The following TAB2 variants were observed in gnomAD, a reference collection of about 807,000 sequenced individuals.
TAB2 encodes TGF-beta activated kinase 1 (MAP3K7) binding protein 2.
Under a neutral mutation model 65.0 loss-of-function variants are expected in TAB2, and 3 were observed. The ratio of observed to expected loss-of-function variants is 0.05; its 90% CI spans 0.02 to 0.12. TAB2 has a LOEUF of 0.12. Ranked by LOEUF, TAB2 falls within the 10% of genes least tolerant of loss-of-function variation. The pLI is 1.00. For synonymous variants in TAB2, 298 were observed against 285.1 expected (o/e 1.05, Z -0.46); for missense variants, 623 against 840.3 (o/e 0.74, Z 3.20).
intron 1 of TAB2, among the ~76,000 whole-genome samples, chr6:149,271,697 C>G (rs1275521256): frequency 3.3e-5 from 5 of 152,262 alleles, no homozygotes; most frequent in Admixed American, 2.6e-4. Context: ...TAAAACCCTA[C>G]TCTATGGAAG....
At chr6:149,225,637 G>A (rs1170539815) in intron 1 of TAB2, among the ~76,000 whole-genome samples, 1 of 152,030 alleles carries the variant, frequency 6.6e-6, no homozygotes, top group Non-Finnish European at 1.5e-5. Context: ...ATACAAATGG[G>A]AATTTTATTT....
At chr6:149,275,904 T>C (rs1429373223) in intron 1 of TAB2, among the ~76,000 whole-genome samples, 3 of 152,228 alleles carry the variant, frequency 2.0e-5, no homozygotes, top group Non-Finnish European at 1.5e-5. Context: ...TCTGAGAAAC[T>C]GCTAGCCTAG....
At chr6:149,328,089 T>G (rs1779671157) in intron 1 of TAB2, among the ~76,000 whole-genome samples, 1 of 152,190 alleles carries the variant, frequency 6.6e-6, no homozygotes, top group Admixed American at 6.5e-5. Context: ...CTAGTTGAAG[T>G]AATTAGGTAG....
chr6:149,224,418 C>A (rs537623111), intron 1 of TAB2, among the ~76,000 whole-genome samples: 2 of 152,324 alleles, frequency 1.3e-5, no homozygotes, highest in South Asian at 4.1e-4. Context: ...TCAAATGGCA[C>A]GGATTTTTCC....
intron 3 of TAB2, among the ~76,000 whole-genome samples, chr6:149,392,441 A>G (rs1782021466): frequency 6.6e-6 from 1 of 152,152 alleles, no homozygotes; most frequent in Non-Finnish European, 1.5e-5. Context: ...ACCTACAGCT[A>G]CCTTCCCTTT....
rs138731123 is a variant in TAB2, at chr6:149,378,992, C to G, written c.1077C>G (p.Thr359=). ...SSTSSSVNSQ[T]LNRNQPTVYI... is the part of the protein sequence containing the mutation. ...CTTCCTCTTCAGTCAATAGCCAGACCTTAAACAGAAATCAGCCCACTGTTT... is the reference window on the plus strand; with the variant it reads ...CTTCCTCTTCAGTCAATAGCCAGACGTTAAACAGAAATCAGCCCACTGTTT... Residue 359 remains threonine, a synonymous_variant, in exon 3 of 7, where the codon ACC becomes ACG. Transcript: ENST00000637181. 1 of 1,614,212 alleles carries G rather than the reference C, an allele frequency of 6.2e-7. No homozygotes were observed. Among genetic ancestry groups the G allele is most frequent in the East Asian group, 2.2e-5 (1 of 44,886 alleles).
At chr6:149,321,380 A>G (rs1210249531) in intron 1 of TAB2, 2 of 152,282 alleles carry the variant, frequency 1.3e-5, no homozygotes, top group African/African-American at 4.8e-5. Flanking sequence ...TCAGAAAGCT[A>G]AAAAACCTGA....
chr6:149,342,550 C>A (rs755748562), intron 1 of TAB2: 3 of 152,160 alleles, frequency 2.0e-5, no homozygotes, highest in Non-Finnish European at 4.4e-5. Flanking sequence ...TTAAGAGACC[C>A]ATTTTCCCTT....
intron 1 of TAB2, among the ~76,000 whole-genome samples, chr6:149,306,453 G>A (rs539358613): frequency 6.6e-6 from 1 of 152,078 alleles, no homozygotes; most frequent in South Asian, 2.1e-4. Context: ...GGGAGGCTGA[G>A]GCAGAAGAAT....
At chr6:149,275,241 A>AAAGG in intron 1 of TAB2, among the ~76,000 whole-genome samples, 1 of 85,492 alleles carries the variant, frequency 1.2e-5, no homozygotes, top group African/African-American at 4.1e-5. Flanking sequence ...AGAGAGAAAG[A>AAAGG]AAGAAAGAAA....
intron 1 of TAB2, among the ~76,000 whole-genome samples, chr6:149,354,380 C>T (rs1780588234): frequency 6.6e-6 from 1 of 152,086 alleles, no homozygotes; most frequent in Non-Finnish European, 1.5e-5. Context: ...AATGTAATCT[C>T]AATTTTAGAA....
At chr6:149,257,643 G>A in intron 1 of TAB2, 1 of 152,102 alleles carries the variant, frequency 6.6e-6, no homozygotes. Context: ...AATAATGTCA[G>A]TAATGCTAAT....
chr6:149,218,331 T>C (rs1180031478), upstream of TAB2, among the ~76,000 whole-genome samples: 3 of 152,206 alleles, frequency 2.0e-5, no homozygotes, highest in East Asian at 1.9e-4. Flanking sequence ...ACATGTTTTA[T>C]GTTTATTCAG....
At position 149,382,707 on chromosome 6, in the gene TAB2, T is replaced by C. The variant is rs370853167; in HGVS notation, c.1603+3189T>C. ...ATAATAAACCCTCTGGAAAGATATT[T>C]TAAGTGTATCTTGTAGCTTCACTTA... On this transcript the variant is annotated intron_variant, in intron 3 of 6. Coordinates refer to ENST00000637181, the MANE Select transcript of TAB2 (RefSeq NM_001292034.3). Among the ~76,000 whole-genome samples, 72 of 152,370 alleles carry C rather than the reference T, an allele frequency of 4.7e-4. 1 individual carries two copies. In the South Asian group the frequency reaches 0.013, roughly 27 times the overall value.
intron 1 of TAB2, among the ~76,000 whole-genome samples, chr6:149,345,486 T>A (rs1562425491): frequency 6.6e-6 from 1 of 152,104 alleles, no homozygotes. Context: ...TTACTCTATC[T>A]ACATATCAGA....
At chr6:149,357,430 A>ACACACACACACACACAC (rs1554261743) in intron 1 of TAB2, among the ~76,000 whole-genome samples, 1 of 111,146 alleles carries the variant, frequency 9.0e-6, no homozygotes, top group Non-Finnish European at 1.8e-5. Flanking sequence ...AGAAAAAAAA[A>ACACACACACACACACAC]ACACACACAC....
Position 149,411,326 on chromosome 6 carries a change from C to CT in TAB2, c.*1610dup, listed in dbSNP as rs1266965216. 6.6e-6 allele frequency: 1 copy of CT among 152,474 alleles called. No individual in the cohort carries two copies. The highest frequency in any genetic ancestry group is 2.4e-5 in the African/African-American group (1 of 41,406). 9.4% of individuals were successfully genotyped at this position (152,474 alleles called of 1,614,324 possible). ...ATCTCTATGAATGTCAGAGCCCTAA[C>CT]TTTCAGGCTTTGCATTTTGTATATG... On this transcript the variant is annotated 3_prime_UTR_variant, in exon 7 of 7. Transcript: ENST00000637181.
intron 1 of TAB2, among the ~76,000 whole-genome samples, chr6:149,235,549 A>G (rs1777479906): frequency 2.0e-5 from 3 of 152,230 alleles, no homozygotes; most frequent in Non-Finnish European, 4.4e-5. Flanking sequence ...AGCTTGAGCA[A>G]AAAGATACAT....
At chr6:149,266,520 AAGGCTAACGGAG>A (rs1226141581) in intron 1 of TAB2, among the ~76,000 whole-genome samples, 1 of 152,152 alleles carries the variant, frequency 6.6e-6, no homozygotes, top group East Asian at 1.9e-4. Context: ...AAAAGAGAGG[AAGGCTAACGGAG>A]AGACTGGATT....
Sources: allele counts gnomAD v4.1 joint callset (sites outside exome capture counted in the v4.1 genomes callset), GRCh38; gene constraint gnomAD v4.1.1; transcripts MANE v1.5; gene names NCBI Gene and HGNC (gene_info 2026-07-23, HGNC 2026-07-21).